EPG5: variants seen among roughly 807,000 people sequenced by gnomAD.
The protein encoded by EPG5 is ectopic P granules protein 5 homolog.
A neutral mutation model predicts 302.7 loss-of-function variants in EPG5; 159 were observed. That is an observed-to-expected ratio of 0.53 (90% confidence interval 0.46 to 0.60). The LOEUF (loss-of-function observed/expected upper bound fraction) is 0.60. EPG5 is among the 20% of genes least tolerant of loss of function. EPG5 has a pLI of 0.00. For missense variants in EPG5, 2,896 were observed against 3,092.4 expected (o/e 0.94, Z 1.51); for synonymous variants, 1,158 against 1,136.8 (o/e 1.02, Z -0.37).
chr18:45,880,959 A>T (rs920441048), intron 31 of EPG5, among the ~76,000 whole-genome samples: 2 of 152,180 alleles, frequency 1.3e-5, no homozygotes, highest in African/African-American at 4.8e-5. Flanking sequence ...ATCTTAGGAC[A>T]GCGCCCCAAA....
In EPG5 at chr18:45,915,597, G is replaced by A. The variant is rs764221778; in HGVS notation, c.3607C>T (p.Arg1203Trp). 8.7e-5 allele frequency: 141 copies of A among 1,613,998 alleles called. 1 individual carries two copies. The East Asian group carries it at 2.0e-3, about 23-fold the overall frequency. ...HKNALGYHCD[R>W]SLLSSLVSWI... ...CTTACCAAAGATGAGAGCAGACTCC[G>A]GTCACAGTGGTAACCCAAGGCATTC... The change falls in exon 20 of 44, where the codon CGG becomes TGG. Residue 1203 changes from arginine (R) to tryptophan (W), a missense_variant. Transcript: ENST00000282041.
At chr18:45,837,899 G>T in the EPG5 span, 1 of 1,501,768 alleles carries the variant, frequency 6.7e-7, no homozygotes, top group Non-Finnish European at 8.8e-7. Flanking sequence ...CGTGACAGGC[G>T]AGGCGGCGTG....
intron 42 of EPG5, 183 bp downstream of exon 42, chr18:45,857,670 G>T: frequency 1.8e-6 from 1 of 556,766 alleles, no homozygotes. Context: ...AAATAAAAAT[G>T]CTTTTTAGAA....
intron 27 of EPG5, among the ~76,000 whole-genome samples, chr18:45,896,043 A>G (rs149976006): frequency 6.6e-6 from 1 of 152,222 alleles, no homozygotes. Flanking sequence ...GCTTTCCTCT[A>G]TCTTGCCCTT....
the EPG5 span, among the ~76,000 whole-genome samples, chr18:45,806,390 G>T: frequency 1.3e-5 from 2 of 152,364 alleles, no homozygotes; most frequent in South Asian, 4.1e-4. Flanking sequence ...AGAGCAGCAT[G>T]TGGAGGCTTG....
intron 15 of EPG5, 116 bp downstream of exon 15, chr18:45,923,152 T>G (rs1391487533): frequency 8.8e-7 from 1 of 1,130,924 alleles, no homozygotes. Flanking sequence ...CATCTTAAAT[T>G]GCTAGAAATG....
At chr18:45,948,475 C>G in intron 6 of EPG5, 28 bp downstream of exon 6, 1 of 1,578,080 alleles carries the variant, frequency 6.3e-7, no homozygotes, top group Non-Finnish European at 8.7e-7. Flanking sequence ...ATTTCAATCT[C>G]TACTTCACAA....
chr18:45,845,341 C>G (rs569524210), downstream of EPG5, among the ~76,000 whole-genome samples: 30 of 152,338 alleles, frequency 2.0e-4, no homozygotes, highest in African/African-American at 7.0e-4. Context: ...GGTCGGCCAG[C>G]TGGCACCCCC....
chr18:45,960,938 G>C (rs2051134894), intron 1 of EPG5, among the ~76,000 whole-genome samples: 1 of 151,860 alleles, frequency 6.6e-6, no homozygotes, highest in Non-Finnish European at 1.5e-5. Flanking sequence ...ACTCCACATT[G>C]CTACATGTTT....
the EPG5 span, among the ~76,000 whole-genome samples, chr18:45,827,811 T>G: frequency 6.6e-6 from 1 of 152,178 alleles, no homozygotes; most frequent in East Asian, 1.9e-4. Flanking sequence ...TCTTTTTTTC[T>G]CTCCTGTTAC....
At chr18:45,818,264 T>TG in the EPG5 span, among the ~76,000 whole-genome samples, 5 of 151,778 alleles carry the variant, frequency 3.3e-5, no homozygotes, top group South Asian at 4.1e-4. Flanking sequence ...TTATTTTTTT[T>TG]TTTTGTTTTC....
At chr18:45,950,800 T>G (rs2050890406) in intron 4 of EPG5, among the ~76,000 whole-genome samples, 1 of 152,226 alleles carries the variant, frequency 6.6e-6, no homozygotes, top group African/African-American at 2.4e-5. Context: ...AACCTGTACC[T>G]ATATTCTGAA....
chr18:45,967,323 G>A lies in EPG5; in HGVS notation c.-84C>T. 7.5e-7 allele frequency: 1 copy of A among 1,326,976 alleles called. No homozygotes were observed. Among genetic ancestry groups the A allele is most frequent in the Non-Finnish European group, 1.0e-6 (1 of 992,528 alleles). The allele number at this position is 1,326,976 out of a possible 1,614,324, so 82.2% of individuals were successfully genotyped here. A position where few individuals can be genotyped will look rare whatever the true frequency, so the allele number is the denominator to read the frequency against. The stretch of plus-strand genomic sequence containing the variant: ...CCTGCCCGGTTCTGGCCTCCGGACT[G>A]TCACATGATCGAATCTCCGCCACTC... On this transcript the variant is annotated 5_prime_UTR_variant, in exon 1 of 44. Coordinates refer to ENST00000282041, the MANE Select transcript of EPG5 (RefSeq NM_020964.3).
At chr18:45,875,596 C>T (rs879472776) in intron 35 of EPG5, among the ~76,000 whole-genome samples, 6 of 151,638 alleles carry the variant, frequency 4.0e-5, no homozygotes, top group African/African-American at 1.5e-4. Flanking sequence ...TAGAAATTAC[C>T]CATAATAAAG....
At chr18:45,875,641 GAGTT>G (rs1469846788) in intron 35 of EPG5, among the ~76,000 whole-genome samples, 1 of 152,142 alleles carries the variant, frequency 6.6e-6, no homozygotes, top group Non-Finnish European at 1.5e-5. Context: ...AAGAGGTTAA[GAGTT>G]AGGGAGGACA....
At chr18:45,847,475 C>T (rs1046031762), downstream of EPG5, 3 of 152,294 alleles carry the variant, frequency 2.0e-5, no homozygotes, top group South Asian at 4.1e-4. Flanking sequence ...CCTCGCCCAT[C>T]GTGGTGAAAG....
chr18:45,833,706 T>C, the EPG5 span, among the ~76,000 whole-genome samples: 1 of 152,350 alleles, frequency 6.6e-6, no homozygotes, highest in Non-Finnish European at 1.5e-5. Flanking sequence ...AAAAAGAGTT[T>C]ACTGCTGTCA....
chr18:45,860,077 A>G (rs1568096529), intron 40 of EPG5, 27 bp downstream of exon 40: 2 of 1,613,226 alleles, frequency 1.2e-6, no homozygotes, highest in Admixed American at 1.7e-5. Flanking sequence ...GACCAATACA[A>G]TGGAGCGTAA....
chr18:45,937,553 C>G (rs1020754463), intron 10 of EPG5, among the ~76,000 whole-genome samples: 5 of 151,936 alleles, frequency 3.3e-5, no homozygotes. Flanking sequence ...ATTACAGGTG[C>G]CTGCCACCAC....
Sources: allele counts gnomAD v4.1 joint callset (sites outside exome capture counted in the v4.1 genomes callset), GRCh38; gene constraint gnomAD v4.1.1; transcripts MANE v1.5; gene names NCBI Gene and HGNC (gene_info 2026-07-23, HGNC 2026-07-21).